The following PSD4 variants were observed in gnomAD, a reference collection of about 807,000 sequenced individuals.
PSD4 encodes the protein PH and SEC7 domain-containing protein 4.
A neutral mutation model predicts 112.5 loss-of-function variants in PSD4; 59 were observed. The ratio of observed to expected loss-of-function variants is 0.52; its 90% CI spans 0.43 to 0.65. The LOEUF (loss-of-function observed/expected upper bound fraction) is 0.65. Among genes scored for constraint, PSD4 ranks in the 30% least tolerant of loss-of-function variants. PSD4 has a pLI of 0.00. For synonymous variants in PSD4, 533 were observed against 540.0 expected (o/e 0.99, Z 0.18); for missense variants, 1,267 against 1,352.6 (o/e 0.94, Z 0.99).
intron 16 of PSD4, among the ~76,000 whole-genome samples, chr2:113,199,901 C>G (rs921772449): frequency 1.3e-5 from 2 of 152,206 alleles, no homozygotes. Context: ...TCTCAGCTCC[C>G]TGCAACCTCC....
chr2:113,203,608 A>C lies in PSD4; in HGVS notation c.*2193A>C, dbSNP rs1688823749. 8.6e-6 allele frequency: 1 copy of C among 116,770 alleles called. No homozygotes were observed. The highest frequency in any genetic ancestry group is 1.6e-5 in the Non-Finnish European group (1 of 62,220). The allele number at this position is 116,770 out of a possible 1,614,324, so 7.2% of individuals were successfully genotyped here. A position where few individuals can be genotyped will look rare whatever the true frequency, so the allele number is the denominator to read the frequency against. On this transcript the variant is annotated 3_prime_UTR_variant, in exon 17 of 17. Transcript: ENST00000245796. ...AGACGGAGTTTCGCTCTTGTAACCC[A>C]GGCTGGAGTGCAATGGTGTGATCTT...
rs1328504950 is a variant in PSD4, at chr2:113,193,955, G to T, written c.2181+7G>T. On this transcript the variant is annotated splice_region_variant and intron_variant, in intron 10 of 16. Transcript: ENST00000245796. ...CCCCAAGGAGCTGCTGAAGGTATGTGCCACGGGGTCTTCTTATGAGCCTCA... is the reference window on the plus strand; with the variant it reads ...CCCCAAGGAGCTGCTGAAGGTATGTTCCACGGGGTCTTCTTATGAGCCTCA... The T allele has an allele frequency of 1.9e-6, 3 of 1,613,244 alleles. No homozygotes were observed. In the Admixed American group the frequency reaches 5.0e-5, roughly 27 times the overall value.
At position 113,186,246 on chromosome 2, in the gene PSD4, C is replaced by G. The variant is rs747544628; in HGVS notation, c.1619C>G (p.Ser540Cys). ...GTCCAGCCTGACATTCACCTGACTT[C>G]TGCAGAACAGTAAGTCTCAGACTAA... Reference protein sequence around the residue: ...GDVQPDIHLTSAEHENLRTPM... With the variant: ...GDVQPDIHLTCAEHENLRTPM... Residue 540 changes from serine (S) to cysteine (C), a missense_variant, in exon 5 of 17, where the codon TCT becomes TGT. By Grantham distance (112) the Ser-to-Cys change is moderately radical. Around this residue, in one of 2 missense-constraint regions of PSD4, gnomAD observed 723 missense variants for 704.0 expected, o/e 1.03. Coordinates refer to ENST00000245796, the MANE Select transcript of PSD4 (RefSeq NM_012455.3). 1 of 1,583,488 alleles carries G rather than the reference C, an allele frequency of 6.3e-7. No individual in the cohort carries two copies. Among genetic ancestry groups the G allele is most frequent in the Non-Finnish European group, 8.6e-7 (1 of 1,163,452 alleles).
chr2:113,204,971 C>CTTT lies in PSD4; in HGVS notation c.*3568_*3570dup. On this transcript the variant is annotated 3_prime_UTR_variant, in exon 17 of 17. Coordinates refer to ENST00000245796, the MANE Select transcript of PSD4 (RefSeq NM_012455.3). ...GGCTTTTTGTGAATGTGCAGTGCAACTTTTTTTTTTTTTTGAGACAGAGTC... is the reference window on the plus strand; with the variant it reads ...GGCTTTTTGTGAATGTGCAGTGCAACTTTTTTTTTTTTTTTTTGAGACAGAGTC... 1 of 143,996 alleles carries CTTT rather than the reference C, an allele frequency of 6.9e-6. No individual in the cohort carries two copies. The highest frequency in any genetic ancestry group is 1.5e-5 in the Non-Finnish European group (1 of 65,276). 8.9% of individuals were successfully genotyped at this position (143,996 alleles called of 1,614,324 possible).
chr2:113,184,955 A>C lies in PSD4; in HGVS notation c.1057-2A>C. On this transcript the variant is annotated splice_acceptor_variant, in intron 2 of 16. Coordinates refer to ENST00000245796, the MANE Select transcript of PSD4 (RefSeq NM_012455.3). LOFTEE classifies it high-confidence loss of function. ...TCCTCTGTCTCTCTCTCGACTTCTC[A>C]GGGAGATAGGCTTGGTCCTGCTCCA... 1.2e-6 allele frequency: 2 copies of C among 1,613,960 alleles called. No homozygotes were observed. The highest frequency in any genetic ancestry group is 1.7e-6 in the Non-Finnish European group (2 of 1,179,938).
In PSD4 at chr2:113,201,505, C is replaced by T. The variant is rs1164595274; in HGVS notation, c.*90C>T. 4.6e-6 allele frequency: 7 copies of T among 1,509,002 alleles called. No homozygotes were observed. In the African/African-American group the frequency reaches 9.6e-5, roughly 21 times the overall value. The allele number at this position is 1,509,002 out of a possible 1,614,324, so 93.5% of individuals were successfully genotyped here. ...AGGAGACTTATTTCAATGAGTCCAC[C>T]ATGACGGATGAGGCACCTCCTTTCC... On this transcript the variant is annotated 3_prime_UTR_variant, in exon 17 of 17. Coordinates refer to ENST00000245796, the MANE Select transcript of PSD4 (RefSeq NM_012455.3).
rs376366488 is a variant in PSD4 at position 113,192,345 on chromosome 2, C to A, written c.1629-35C>A. 16 of 1,601,524 alleles carry A rather than the reference C, an allele frequency of 1.0e-5. No homozygotes were observed. In the South Asian group the frequency reaches 1.7e-4, roughly 17 times the overall value. On this transcript the variant is annotated intron_variant, in intron 5 of 16. Transcript: ENST00000245796. ...TCTTGCCACAACTGACCTGCAAGAACACTTGACCCAGAGCTCCTGCATGTC... is the reference window on the plus strand; with the variant it reads ...TCTTGCCACAACTGACCTGCAAGAAAACTTGACCCAGAGCTCCTGCATGTC...
chr2:113,200,080 C>G (rs1047666957), intron 16 of PSD4, among the ~76,000 whole-genome samples: 9 of 152,172 alleles, frequency 5.9e-5, no homozygotes, highest in African/African-American at 2.2e-4. Flanking sequence ...CCTGCCTCAG[C>G]CTTCCAAAGT....
chr2:113,184,871 T>C (rs1489170472), intron 2 of PSD4, 86 bp from the exon 3 acceptor site: 2 of 1,567,702 alleles, frequency 1.3e-6, no homozygotes, highest in Non-Finnish European at 1.7e-6. Flanking sequence ...GGAGGCTTCA[T>C]GGGATTTGAG....
chr2:113,194,765 A>T (rs1208854684), intron 10 of PSD4, among the ~76,000 whole-genome samples: 1 of 152,244 alleles, frequency 6.6e-6, no homozygotes, highest in Non-Finnish European at 1.5e-5. Flanking sequence ...AGAAAAGATT[A>T]AAAATGATAC....
At position 113,182,399 on chromosome 2, in the gene PSD4, C is replaced by T; in HGVS notation, c.-58C>T. 1.4e-6 allele frequency: 2 copies of T among 1,467,600 alleles called. No homozygotes were observed. The highest frequency in any genetic ancestry group is 1.9e-6 in the Non-Finnish European group (2 of 1,075,048). 90.9% of individuals were successfully genotyped at this position (1,467,600 alleles called of 1,614,324 possible). On this transcript the variant is annotated 5_prime_UTR_variant, in exon 2 of 17. Coordinates refer to ENST00000245796, the MANE Select transcript of PSD4 (RefSeq NM_012455.3). ...CGGCCAGTGCTCCCCCTAGTCCACA[C>T]AGTGAGACCGTGAAAGCAGATGCTC...
chr2:113,188,688 C>G (rs773771598), intron 5 of PSD4, among the ~76,000 whole-genome samples: 4 of 152,050 alleles, frequency 2.6e-5, no homozygotes, highest in Non-Finnish European at 1.5e-5. Context: ...TCAGGCCATT[C>G]TCCTGCCTCA....
intron 1 of PSD4, 66 bp from the exon 2 acceptor site, chr2:113,182,280 A>G (rs776772933): frequency 1.8e-5 from 11 of 622,732 alleles, no homozygotes; most frequent in Non-Finnish European, 2.8e-5. Context: ...CATCTAACAC[A>G]CTACACACGT....
intron 14 of PSD4, chr2:113,198,416 C>T (rs1476134247): frequency 3.3e-5 from 9 of 271,506 alleles, no homozygotes; most frequent in Non-Finnish European, 5.5e-5. Context: ...GGATTAAAGG[C>T]GGGCGCCACC....
intron 1 of PSD4, 102 bp from the exon 2 acceptor site, chr2:113,182,244 C>T (rs1208076385): frequency 9.1e-6 from 5 of 547,228 alleles, no homozygotes; most frequent in Non-Finnish European, 1.6e-5. Flanking sequence ...GAGCAGCAGG[C>T]ATAGATGGGG....
At chr2:113,196,589 C>T (rs552242034) in intron 12 of PSD4, 31 of 332,232 alleles carry the variant, frequency 9.3e-5, no homozygotes, top group African/African-American at 4.4e-4. Flanking sequence ...TCAATGTCTG[C>T]GAAAAAAATG....
chr2:113,184,048 T>C (rs1248184612), intron 2 of PSD4, among the ~76,000 whole-genome samples: 2 of 152,210 alleles, frequency 1.3e-5, no homozygotes, highest in Non-Finnish European at 1.5e-5. Context: ...ATCAGGCCCA[T>C]ATGACAATGG....
chr2:113,192,951 C>T (rs1430786653), intron 6 of PSD4, 97 bp from the exon 7 acceptor site: 2 of 1,220,322 alleles, frequency 1.6e-6, no homozygotes, highest in African/African-American at 1.5e-5. Context: ...TTGCTCACCC[C>T]CACCGCATAA....
At position 113,209,379 on chromosome 2, in the gene PSD4, A is replaced by G. The variant is rs905267672; in HGVS notation, c.*7964A>G. The G allele has an allele frequency of 1.3e-5, 2 of 152,214 alleles. No homozygotes were observed. The highest frequency in any genetic ancestry group is 4.8e-5 in the African/African-American group (2 of 41,440). The allele number at this position is 152,214 out of a possible 1,614,324, so 9.4% of individuals were successfully genotyped here. A position where few individuals can be genotyped will look rare whatever the true frequency, so the allele number is the denominator to read the frequency against. ...AATATATTAATATTTAAAATAAAAT[A>G]AACAAAATGTCAGTGTGTGTGTGTG... On this transcript the variant is annotated 3_prime_UTR_variant, in exon 17 of 17. Transcript: ENST00000245796.
Sources: allele counts gnomAD v4.1 joint callset (sites outside exome capture counted in the v4.1 genomes callset), GRCh38; gene constraint gnomAD v4.1.1; regional missense constraint gnomAD v4.1.1; transcripts MANE v1.5; gene names NCBI Gene and HGNC (gene_info 2026-07-23, HGNC 2026-07-21).